The following LRRC51 variants were observed in gnomAD, a reference collection of about 807,000 sequenced individuals.
LRRC51 encodes the protein leucine-rich repeat-containing protein 51.
A neutral mutation model predicts 17.8 loss-of-function variants in LRRC51; 8 were observed. That is an observed-to-expected ratio of 0.45 (90% confidence interval 0.26 to 0.81). LRRC51 has a LOEUF of 0.81. LRRC51 is among the 30% of genes least tolerant of loss of function. LRRC51 has a pLI of 0.17. For missense variants in LRRC51, 233 were observed against 239.3 expected (o/e 0.97, Z 0.17); for synonymous variants, 92 against 96.0 (o/e 0.96, Z 0.24).
chr11:72,088,190 A>G (rs1944651555), intron 1 of LRRC51, 107 bp from the exon 2 acceptor site: 5 of 589,048 alleles, frequency 8.5e-6, no homozygotes, highest in Non-Finnish European at 1.5e-5. Context: ...CCTTGTCTCC[A>G]GAAAAACCTC....
chr11:72,084,442 C>T (rs495567), intron 1 of LRRC51, among the ~76,000 whole-genome samples: 123,128 of 152,126 alleles, frequency 0.81, 51,963 homozygotes, highest in Non-Finnish European at 0.94. Context: ...AAGTACGATA[C>T]ATAGTATAAA....
At position 72,096,623 on chromosome 11, in the gene LRRC51, C is replaced by T. The variant is rs149953875; in HGVS notation, c.*1103C>T. 169 of 1,505,572 alleles carry T rather than the reference C, an allele frequency of 1.1e-4. No individual in the cohort carries two copies. The East Asian group carries it at 4.1e-3, about 37-fold the overall frequency. The allele number at this position is 1,505,572 out of a possible 1,614,324, so 93.3% of individuals were successfully genotyped here. A position where few individuals can be genotyped will look rare whatever the true frequency, so the allele number is the denominator to read the frequency against. ...ACACTGGAGACGTGGGTTTACCACA[C>T]AGCCTTGGGAAATTTATCTAACTCT... On this transcript the variant is annotated 3_prime_UTR_variant, in exon 6 of 6. Coordinates refer to ENST00000289488, the MANE Select transcript of LRRC51 (RefSeq NM_145309.6).
At chr11:72,081,278 C>T (rs1327728745) in intron 1 of LRRC51, among the ~76,000 whole-genome samples, 3 of 152,066 alleles carry the variant, frequency 2.0e-5, no homozygotes, top group Non-Finnish European at 4.4e-5. Flanking sequence ...AAAAATTAGC[C>T]GGGCTTGGTG....
At chr11:72,089,351 AT>A in intron 3 of LRRC51, 186 bp downstream of exon 3, 1 of 1,493,198 alleles carries the variant, frequency 6.7e-7, no homozygotes, top group Admixed American at 2.0e-5. Flanking sequence ...GTTTGTTTTG[AT>A]TTTGCCCCGA....
chr11:72,095,826 C>A lies in LRRC51; in HGVS notation c.*306C>A. The A allele has an allele frequency of 4.6e-6, 2 of 436,764 alleles. No homozygotes were observed. The highest frequency in any genetic ancestry group is 8.1e-6 in the Non-Finnish European group (2 of 246,866). 27.1% of individuals were successfully genotyped at this position (436,764 alleles called of 1,614,324 possible). On this transcript the variant is annotated 3_prime_UTR_variant, in exon 6 of 6. Coordinates refer to ENST00000289488, the MANE Select transcript of LRRC51 (RefSeq NM_145309.6). The stretch of plus-strand genomic sequence containing the variant: ...TAGCTGTGATTAAAGGCGCCTGCCA[C>A]CATGACTGGCTAATTTTGTTGTTGT...
At chr11:72,089,621 C>A (rs990305346) in intron 3 of LRRC51, 6 of 1,178,966 alleles carry the variant, frequency 5.1e-6, no homozygotes, top group Non-Finnish European at 5.3e-6. Flanking sequence ...TCTCCTCTGT[C>A]TGCAGACACA....
At chr11:72,095,237 C>G (rs1233196123) in intron 5 of LRRC51, 141 bp downstream of exon 5, 3 of 1,567,888 alleles carry the variant, frequency 1.9e-6, no homozygotes, top group South Asian at 2.4e-5. Flanking sequence ...ATTCCTTGCT[C>G]TCAGTCAGGA....
At chr11:72,087,408 C>G (rs772109970) in intron 1 of LRRC51, among the ~76,000 whole-genome samples, 2 of 151,344 alleles carry the variant, frequency 1.3e-5, no homozygotes, top group Admixed American at 6.6e-5. Flanking sequence ...CTTCTAGGCT[C>G]AAGCAATCCA....
chr11:72,095,286 A>G, intron 5 of LRRC51, 93 bp from the exon 6 acceptor site: 1 of 1,609,374 alleles, frequency 6.2e-7, no homozygotes, highest in Admixed American at 1.7e-5. Context: ...AAGTCCCTCC[A>G]TTCCTTGCAG....
rs1297113434 is a variant in LRRC51 at position 72,089,067 on chromosome 11, G to A, written c.-17G>A. 1 of 1,613,388 alleles carries A rather than the reference G, an allele frequency of 6.2e-7. No individual in the cohort carries two copies. Among genetic ancestry groups the A allele is most frequent in the East Asian group, 2.2e-5 (1 of 44,878 alleles). ...TCCCAGGGCACCTGCTTGCACCTTT[G>A]AATGATGGCCTGAACTATGAACAAA... is the stretch of plus-strand genomic sequence containing the variant. On this transcript the variant is annotated 5_prime_UTR_variant, in exon 3 of 6. It removes the in-frame stop codon of an upstream open reading frame in the 5' UTR. Transcript: ENST00000289488.
chr11:72,096,382 C>A lies in LRRC51; in HGVS notation c.*862C>A. 1 of 292,012 alleles carries A rather than the reference C, an allele frequency of 3.4e-6. No individual in the cohort carries two copies. Among genetic ancestry groups the A allele is most frequent in the Non-Finnish European group, 5.3e-6 (1 of 190,314 alleles). 18.1% of individuals were successfully genotyped at this position (292,012 alleles called of 1,614,324 possible). On this transcript the variant is annotated 3_prime_UTR_variant, in exon 6 of 6. Transcript: ENST00000289488. ...CCTCCCAAAGTGCTGGGATTAGAAG[C>A]GTGAGCCACCACGCCCAGCCTTTTT...
intron 1 of LRRC51, among the ~76,000 whole-genome samples, chr11:72,082,536 C>A (rs1345632502): frequency 6.6e-6 from 1 of 152,190 alleles, no homozygotes; most frequent in Non-Finnish European, 1.5e-5. Context: ...TCAAAGGCAA[C>A]CCAAACTCTA....
intron 1 of LRRC51, among the ~76,000 whole-genome samples, chr11:72,088,065 C>G (rs564933164): frequency 6.6e-6 from 1 of 152,180 alleles, no homozygotes; most frequent in Admixed American, 6.5e-5. Context: ...GGGGCAAGTT[C>G]TTGTCCTTAT....
Position 72,096,769 on chromosome 11 carries a change from A to G in LRRC51, c.*1249A>G. ...GCCTCACAGGCCTCCATGACAGGCC[A>G]AGAAGATGGCCTATGATCTCTGAAA... On this transcript the variant is annotated 3_prime_UTR_variant, in exon 6 of 6. Coordinates refer to ENST00000289488, the MANE Select transcript of LRRC51 (RefSeq NM_145309.6). The G allele has an allele frequency of 1.4e-6, 2 of 1,470,456 alleles. No individual in the cohort carries two copies. The highest frequency in any genetic ancestry group is 1.8e-6 in the Non-Finnish European group (2 of 1,101,370). The allele number at this position is 1,470,456 out of a possible 1,614,324, so 91.1% of individuals were successfully genotyped here.
chr11:72,095,615 T>C lies in LRRC51; in HGVS notation c.*95T>C. 1.3e-6 allele frequency: 2 copies of C among 1,555,738 alleles called. No homozygotes were observed. The highest frequency in any genetic ancestry group is 8.7e-7 in the Non-Finnish European group (1 of 1,149,766). ...GCTGTTGAGCAGATGAGAAGTCACT[T>C]ACACCTTGTAGAGATGTTCTCTAAC... is the stretch of plus-strand genomic sequence containing the variant. On this transcript the variant is annotated 3_prime_UTR_variant, in exon 6 of 6. Transcript: ENST00000289488.
intron 2 of LRRC51, 183 bp downstream of exon 2, chr11:72,088,563 C>T: frequency 1.6e-6 from 1 of 617,228 alleles, no homozygotes; most frequent in Non-Finnish European, 2.9e-6. Context: ...AGACACCAAC[C>T]AGATGCGGTG....
Position 72,084,604 on chromosome 11 carries a change from A to C in LRRC51, c.-139-3693A>C, listed in dbSNP as rs1944418124. Among the ~76,000 whole-genome samples, 3 of 152,178 alleles carry C rather than the reference A, an allele frequency of 2.0e-5. No individual in the cohort carries two copies. In the South Asian group the frequency reaches 6.2e-4, roughly 32 times the overall value. ...GTAATCCCAGCACTTTGGGAGGCCA[A>C]GGTGAGTGAATAGCTTGAGCCCAGG... On this transcript the variant is annotated intron_variant, in intron 1 of 5. Coordinates refer to ENST00000289488, the MANE Select transcript of LRRC51 (RefSeq NM_145309.6).
chr11:72,095,283 T>G lies in LRRC51; in HGVS notation c.438-96T>G, dbSNP rs1490649832. The G allele has an allele frequency of 3.1e-6, 5 of 1,608,440 alleles. No individual in the cohort carries two copies. The East Asian group carries it at 8.9e-5, about 29-fold the overall frequency. On this transcript the variant is annotated intron_variant, in intron 5 of 5. Coordinates refer to ENST00000289488, the MANE Select transcript of LRRC51 (RefSeq NM_145309.6). Reference sequence around the variant, plus strand: ...CTTTCCCAAACTATGCTCAAGTCCCTCCATTCCTTGCAGTCAGGGAAGACA... The same window carrying G: ...CTTTCCCAAACTATGCTCAAGTCCCGCCATTCCTTGCAGTCAGGGAAGACA...
In LRRC51 at chr11:72,089,587, G is replaced by A. The variant is rs1260066879; in HGVS notation, c.82+422G>A. ...GGAGGAAAACACAGGCTCCTGTGGA[G>A]TCCCAGCAAGTAGGCAAAACCTTTC... On this transcript the variant is annotated intron_variant, in intron 3 of 5. Transcript: ENST00000289488. 6 of 1,188,180 alleles carry A rather than the reference G, an allele frequency of 5.0e-6. No individual in the cohort carries two copies. In the African/African-American group the frequency reaches 8.0e-5, roughly 16 times the overall value. The allele number at this position is 1,188,180 out of a possible 1,614,324, so 73.6% of individuals were successfully genotyped here.
Sources: allele counts gnomAD v4.1 joint callset (sites outside exome capture counted in the v4.1 genomes callset), GRCh38; gene constraint gnomAD v4.1.1; transcripts MANE v1.5; gene names NCBI Gene and HGNC (gene_info 2026-07-23, HGNC 2026-07-21).